The following UBE2D3 variants were observed in gnomAD, a reference collection of about 807,000 sequenced individuals.
UBE2D3 encodes ubiquitin conjugating enzyme E2 D3.
In UBE2D3, 2 loss-of-function variants were observed where a neutral mutation model predicts 22.8. The observed-to-expected ratio is 0.09, with a 90% CI of 0.04 to 0.28. The LOEUF (loss-of-function observed/expected upper bound fraction) is 0.28, where lower values mean the gene tolerates loss of function less well. Ranked by LOEUF, UBE2D3 falls within the 10% of genes least tolerant of loss-of-function variation. The pLI, the probability that UBE2D3 is intolerant of heterozygous loss-of-function variation, is 1.00. For synonymous variants in UBE2D3, 56 were observed against 60.4 expected (o/e 0.93, Z 0.34); for missense variants, 27 against 182.5 (o/e 0.15, Z 4.91).
chr4:102,816,349 G>A (rs1170156672), intron 2 of UBE2D3, among the ~76,000 whole-genome samples: 1 of 152,196 alleles, frequency 6.6e-6, no homozygotes, highest in Non-Finnish European at 1.5e-5. Flanking sequence ...ACCCATAGCT[G>A]TTGACAGGCA....
chr4:102,853,607 GAAT>G (rs964751585), intron 1 of UBE2D3, among the ~76,000 whole-genome samples: 3 of 152,080 alleles, frequency 2.0e-5, no homozygotes, highest in African/African-American at 7.2e-5. Flanking sequence ...TTAAAATGGA[GAAT>G]AATATAAATT....
intron 1 of UBE2D3, among the ~76,000 whole-genome samples, chr4:102,864,200 C>G (rs1249993231): frequency 6.6e-6 from 1 of 152,148 alleles, no homozygotes; most frequent in East Asian, 1.9e-4. Flanking sequence ...CTAGTAGAAT[C>G]AGAATTGTAG....
rs1390745658 is a variant in UBE2D3, at chr4:102,806,824, A to G, written c.120+2848T>C. Among the ~76,000 whole-genome samples the G allele has an allele frequency of 3.9e-5, 6 of 152,122 alleles. No homozygotes were observed. In the East Asian group the frequency reaches 1.2e-3, roughly 29 times the overall value. ...TCTTGTTGGAAACTAACCTTAATAC[A>G]GTACCCCACGCCCCCCTCCCCAAAA... On this transcript the variant is annotated intron_variant, in intron 4 of 7. Transcript: ENST00000453744.
At position 102,796,092 on chromosome 4, in the gene UBE2D3, T is replaced by TC. The variant is rs1335287575; in HGVS notation, c.*1322dup. On this transcript the variant is annotated 3_prime_UTR_variant, in exon 8 of 8. Transcript: ENST00000453744. ...AATCCATTTCAATGGATACTCAATATCCCACATAGATAAGTCACTTCAACA... is the reference window on the plus strand; with the variant it reads ...AATCCATTTCAATGGATACTCAATATCCCCACATAGATAAGTCACTTCAACA... 6.6e-6 allele frequency: 1 copy of TC among 152,370 alleles called. No individual in the cohort carries two copies. Among genetic ancestry groups the TC allele is most frequent in the African/African-American group, 2.4e-5 (1 of 41,418 alleles). 9.4% of individuals were successfully genotyped at this position (152,370 alleles called of 1,614,324 possible).
At chr4:102,868,626 C>G in intron 1 of UBE2D3, 1 of 1,562,622 alleles carries the variant, frequency 6.4e-7, no homozygotes, top group South Asian at 1.1e-5. Context: ...TACTCATGGG[C>G]GAGTATGCAA....
intron 2 of UBE2D3, among the ~76,000 whole-genome samples, chr4:102,821,044 G>A (rs1729526374): frequency 1.3e-5 from 2 of 152,094 alleles, no homozygotes; most frequent in Admixed American, 1.3e-4. Context: ...TACATAACAA[G>A]GTTGAGGATA....
At chr4:102,861,160 A>G (rs1034087220) in intron 1 of UBE2D3, among the ~76,000 whole-genome samples, 4 of 152,002 alleles carry the variant, frequency 2.6e-5, no homozygotes, top group African/African-American at 9.7e-5. Context: ...CTCATGGGCC[A>G]AAAGGGCCTC....
intron 2 of UBE2D3, chr4:102,819,532 C>T (rs1169291646): frequency 1.5e-5 from 15 of 984,144 alleles, no homozygotes; most frequent in African/African-American, 3.5e-5. Flanking sequence ...TCAACATAAC[C>T]AAAAGGTAGC....
upstream of UBE2D3, among the ~76,000 whole-genome samples, chr4:102,832,126 T>C (rs1226400296): frequency 2.6e-5 from 4 of 151,910 alleles, no homozygotes; most frequent in African/African-American, 9.7e-5. Context: ...TCAGGGAAAG[T>C]TTCTCTGAGG....
upstream of UBE2D3, among the ~76,000 whole-genome samples, chr4:102,831,622 TA>T (rs1731120303): frequency 1.3e-5 from 2 of 152,186 alleles, no homozygotes. Flanking sequence ...CTTGAAGCCT[TA>T]AAACATTCTG....
Position 102,796,735 on chromosome 4 carries a change from C to G in UBE2D3, c.*680G>C, listed in dbSNP as rs1401284922. ...AGATAGATTAACTAATAGCTCCAAG[C>G]CTCCTAACAATTTAAATGAAAATTA... On this transcript the variant is annotated 3_prime_UTR_variant, in exon 8 of 8. Transcript: ENST00000453744. 6.6e-6 allele frequency: 1 copy of G among 152,384 alleles called. No individual in the cohort carries two copies. Among genetic ancestry groups the G allele is most frequent in the Non-Finnish European group, 1.5e-5 (1 of 67,886 alleles). 9.4% of individuals were successfully genotyped at this position (152,384 alleles called of 1,614,324 possible).
intron 4 of UBE2D3, among the ~76,000 whole-genome samples, chr4:102,803,637 T>TA (rs1726552129): frequency 6.6e-6 from 1 of 152,174 alleles, no homozygotes; most frequent in Non-Finnish European, 1.5e-5. Flanking sequence ...CTTACACTGA[T>TA]AGACATGTAA....
chr4:102,826,459 C>T, intron 2 of UBE2D3, 26 bp downstream of exon 2: 1 of 1,613,898 alleles, frequency 6.2e-7, no homozygotes, highest in Non-Finnish European at 8.5e-7. Context: ...CTCCTACCAC[C>T]CCATGCCCTT....
At chr4:102,816,885 T>G (rs1215159439) in intron 2 of UBE2D3, among the ~76,000 whole-genome samples, 3 of 152,122 alleles carry the variant, frequency 2.0e-5, no homozygotes, top group Non-Finnish European at 4.4e-5. Context: ...TAGAAATGCC[T>G]CCTCAGACTC....
At position 102,837,762 on chromosome 4, in the gene UBE2D3, T is replaced by C. The variant is rs372220168; in HGVS notation, c.-128-11126A>G. ...GTCAGGAGATCGAGACCATCCTGGC[T>C]AACATGGTGAAAACCCATCTCTACT... On this transcript the variant is annotated intron_variant, in intron 1 of 7. Transcript: ENST00000338145. Among the ~76,000 whole-genome samples, 19 of 152,230 alleles carry C rather than the reference T, an allele frequency of 1.2e-4. No individual in the cohort carries two copies. In the East Asian group the frequency reaches 3.5e-3, roughly 28 times the overall value.
At position 102,827,514 on chromosome 4, in the gene UBE2D3, G is replaced by A. The variant is rs1043198927; in HGVS notation, c.-216C>T. 5.1e-6 allele frequency: 5 copies of A among 985,958 alleles called. No homozygotes were observed. Among genetic ancestry groups the A allele is most frequent in the Non-Finnish European group, 6.0e-6 (5 of 830,060 alleles). 61.1% of individuals were successfully genotyped at this position (985,958 alleles called of 1,614,324 possible). A position where few individuals can be genotyped will look rare whatever the true frequency, so the allele number is the denominator to read the frequency against. The stretch of plus-strand genomic sequence containing the variant: ...CTCCCCGGCCCTACGGGGCTCACGC[G>A]CACGACACAGCCACAAGATGTCCGC... On this transcript the variant is annotated 5_prime_UTR_variant, in exon 1 of 8. Coordinates refer to ENST00000453744, the MANE Select transcript of UBE2D3 (RefSeq NM_181891.3).
intron 7 of UBE2D3, chr4:102,798,910 G>A (rs767986169): frequency 6.2e-7 from 1 of 1,610,578 alleles, no homozygotes; most frequent in East Asian, 2.2e-5. Context: ...GCGCACCATA[G>A]AGTGCAGATC....
chr4:102,835,163 G>T (rs551255468), intron 1 of UBE2D3, among the ~76,000 whole-genome samples: 2 of 152,298 alleles, frequency 1.3e-5, no homozygotes, highest in Admixed American at 1.3e-4. Context: ...CAGCCCTCCA[G>T]ATCTGTGAGT....
chr4:102,823,930 G>A (rs547317118), intron 2 of UBE2D3, among the ~76,000 whole-genome samples: 15 of 152,086 alleles, frequency 9.9e-5, no homozygotes, highest in African/African-American at 3.6e-4. Context: ...GAATAAATTC[G>A]AAATAGGTAC....
Sources: allele counts gnomAD v4.1 joint callset (sites outside exome capture counted in the v4.1 genomes callset), GRCh38; gene constraint gnomAD v4.1.1; transcripts MANE v1.5; gene names NCBI Gene and HGNC (gene_info 2026-07-23, HGNC 2026-07-21).